VANGL1: variants seen among roughly 807,000 people sequenced by gnomAD.
The protein encoded by VANGL1 is VANGL planar cell polarity protein 1.
VANGL1 carries 18 observed loss-of-function variants against 48.4 expected under a neutral mutation model. The observed-to-expected ratio is 0.37, with a 90% confidence interval of 0.26 to 0.55. The LOEUF is 0.55. Among genes scored for constraint, VANGL1 ranks in the 20% least tolerant of loss-of-function variants. The pLI is 0.81. For missense variants in VANGL1, 667 were observed against 675.8 expected, an observed-to-expected ratio of 0.99 and a Z score of 0.14; for synonymous variants, 257 against 261.8, an observed-to-expected ratio of 0.98 and a Z score of 0.18.
Position 115,691,505 on chromosome 1 carries a change from A to C in VANGL1, c.*126A>C, listed in dbSNP as rs1653836212. Reference sequence around the variant, plus strand: ...GCTGACTGAAACTGGCAGATGATTGACCAGTATCCTTTGACCATCTGCACT... The same window carrying C: ...GCTGACTGAAACTGGCAGATGATTGCCCAGTATCCTTTGACCATCTGCACT... On this transcript the variant is annotated 3_prime_UTR_variant, in exon 8 of 8. Transcript: ENST00000355485. 2 of 1,097,256 alleles carry C rather than the reference A, an allele frequency of 1.8e-6. No homozygotes were observed. The allele number at this position is 1,097,256 out of a possible 1,614,324, so 68.0% of individuals were successfully genotyped here.
intron 4 of VANGL1, among the ~76,000 whole-genome samples, chr1:115,679,731 A>G (rs541052981): frequency 3.7e-4 from 57 of 152,350 alleles, no homozygotes; most frequent in African/African-American, 1.3e-3. Context: ...TGAGTTGAAA[A>G]TGGTTCTGAG....
Position 115,663,690 on chromosome 1 carries a change from C to T in VANGL1, c.234C>T (p.Ala78=). 2 of 1,614,186 alleles carry T rather than the reference C, an allele frequency of 1.2e-6. No individual in the cohort carries two copies. The highest frequency in any genetic ancestry group is 1.6e-4 in the Middle Eastern group (1 of 6,062). The change falls in exon 4 of 8, where the codon GCC becomes GCT. Residue 78 remains alanine, a synonymous_variant. Coordinates refer to ENST00000355485, the MANE Select transcript of VANGL1 (RefSeq NM_138959.3). ...QDDNWGETTT[A]ITGTSEHSIS... Reference sequence around the variant, plus strand: ...ACAACTGGGGAGAGACCACCACGGCCATCACAGGCACCTCGGAGCACAGCA... The same window carrying T: ...ACAACTGGGGAGAGACCACCACGGCTATCACAGGCACCTCGGAGCACAGCA...
intron 4 of VANGL1, among the ~76,000 whole-genome samples, chr1:115,674,027 T>G (rs1653078308): frequency 6.6e-6 from 1 of 152,168 alleles, no homozygotes; most frequent in African/African-American, 2.4e-5. Context: ...GGAGACACTA[T>G]TTGCCACTAC....
chr1:115,663,552 C>G, intron 3 of VANGL1, 109 bp from the exon 4 acceptor site: 1 of 1,471,520 alleles, frequency 6.8e-7, no homozygotes, highest in Non-Finnish European at 9.4e-7. Context: ...TTCTGGAAGC[C>G]TTTGTGAATA....
rs561345682 is a variant in VANGL1 at position 115,695,605 on chromosome 1, G to A, written c.*4226G>A. 2 of 152,524 alleles carry A rather than the reference G, an allele frequency of 1.3e-5. No individual in the cohort carries two copies. Among genetic ancestry groups the A allele is most frequent in the South Asian group, 2.1e-4 (1 of 4,830 alleles). The allele number at this position is 152,524 out of a possible 1,614,324, so 9.4% of individuals were successfully genotyped here. A position where few individuals can be genotyped will look rare whatever the true frequency, so the allele number is the denominator to read the frequency against. On this transcript the variant is annotated 3_prime_UTR_variant, in exon 8 of 8. Coordinates refer to ENST00000355485, the MANE Select transcript of VANGL1 (RefSeq NM_138959.3). ...TTTGGATCACATTTTGACAAAACAT[G>A]TTTTGGTCAAAGAAAGGAAAGGCTA...
chr1:115,652,178 A>G (rs1465527403), intron 2 of VANGL1, among the ~76,000 whole-genome samples: 2 of 152,182 alleles, frequency 1.3e-5, no homozygotes, highest in East Asian at 3.9e-4. Context: ...TTGTCCTGGC[A>G]CCTTATTCTT....
At chr1:115,687,379 A>G (rs12738040) in intron 7 of VANGL1, among the ~76,000 whole-genome samples, 10,677 of 138,712 alleles carry the variant, frequency 0.077, 2,319 homozygotes, top group Admixed American at 0.13. Flanking sequence ...TGAGGAAAAT[A>G]TGTCTGCAGG....
intron 4 of VANGL1, among the ~76,000 whole-genome samples, chr1:115,671,537 C>T (rs964695936): frequency 2.6e-5 from 4 of 152,292 alleles, no homozygotes; most frequent in African/African-American, 7.2e-5. Context: ...GGAGGTGTTT[C>T]GAGTCCATAT....
intron 4 of VANGL1, among the ~76,000 whole-genome samples, chr1:115,676,028 T>C (rs1653152787): frequency 6.6e-6 from 1 of 152,230 alleles, no homozygotes; most frequent in Non-Finnish European, 1.5e-5. Context: ...TTCATGCTTA[T>C]TATTAGTAAT....
In VANGL1 at chr1:115,659,716, A is replaced by T. The variant is rs1361830750; in HGVS notation, c.147A>T (p.Gln49His). Reference sequence around the variant, plus strand: ...GGTCAGAAAAGTCTGTCACCATTCAACCTCCCACTGGAGAGCCCCTGTTGG... The same window carrying T: ...GGTCAGAAAAGTCTGTCACCATTCATCCTCCCACTGGAGAGCCCCTGTTGG... Reference protein sequence around the residue: ...GRGSEKSVTIQPPTGEPLLGN... With the variant: ...GRGSEKSVTIHPPTGEPLLGN... The change falls in exon 3 of 8, where the codon CAA becomes CAT. Residue 49 changes from glutamine (Q) to histidine (H), a missense_variant. Coordinates refer to ENST00000355485, the MANE Select transcript of VANGL1 (RefSeq NM_138959.3). The T allele has an allele frequency of 1.2e-6, 2 of 1,613,964 alleles. No individual in the cohort carries two copies. Among genetic ancestry groups the T allele is most frequent in the African/African-American group, 2.7e-5 (2 of 74,864 alleles).
chr1:115,645,025 C>T (rs1303662570), intron 1 of VANGL1, among the ~76,000 whole-genome samples: 2 of 152,188 alleles, frequency 1.3e-5, no homozygotes, highest in African/African-American at 2.4e-5. Context: ...CAGTGACCTG[C>T]ATGATGTTTG....
intron 4 of VANGL1, among the ~76,000 whole-genome samples, chr1:115,680,715 G>T (rs59985662): frequency 0.065 from 9,869 of 152,188 alleles, 357 homozygotes; most frequent in East Asian, 0.13. Flanking sequence ...TTGAAGCAGA[G>T]CTCCAAGGGG....
At chr1:115,683,042 T>C (rs1460450887) in intron 5 of VANGL1, among the ~76,000 whole-genome samples, 3 of 152,144 alleles carry the variant, frequency 2.0e-5, no homozygotes, top group African/African-American at 7.2e-5. Context: ...CCTGGGTATG[T>C]TGGGTGAGGG....
At position 115,685,540 on chromosome 1, in the gene VANGL1, G is replaced by T. The variant is rs754655624; in HGVS notation, c.1314+13G>T. ...CATGACCCCCAAGGTGCGCTGCTCC[G>T]GGCGGGCTCTGCCACCGTCATCCTG... On this transcript the variant is annotated intron_variant, in intron 7 of 7. Coordinates refer to ENST00000355485, the MANE Select transcript of VANGL1 (RefSeq NM_138959.3). 1 of 1,613,036 alleles carries T rather than the reference G, an allele frequency of 6.2e-7. No homozygotes were observed.
chr1:115,666,328 C>T (rs1235085880), intron 4 of VANGL1, among the ~76,000 whole-genome samples: 7 of 152,166 alleles, frequency 4.6e-5, no homozygotes, highest in Admixed American at 3.3e-4. Context: ...CCTCCCTGTA[C>T]GACTGGTTGA....
rs770019874 is a variant in VANGL1, at chr1:115,685,495, G to C, written c.1282G>C (p.Ala428Pro). Residue 428 changes from alanine to proline, a missense_variant, in exon 7 of 8, where the codon GCC becomes CCC. Ala to Pro is a conservative substitution (Grantham distance 27, BLOSUM62 -1). Coordinates refer to ENST00000355485, the MANE Select transcript of VANGL1 (RefSeq NM_138959.3). ...HSMESILQHL[A>P]FCITNGMTPK... ...CATGGAGAGCATCCTGCAGCACCTG[G>C]CCTTCTGCATCACCAACGGCATGAC... The C allele has an allele frequency of 6.2e-7, 1 of 1,614,106 alleles. No homozygotes were observed. The highest frequency in any genetic ancestry group is 8.5e-7 in the Non-Finnish European group (1 of 1,180,030).
chr1:115,649,940 AGAG>A (rs1652082349), intron 1 of VANGL1, among the ~76,000 whole-genome samples: 1 of 152,186 alleles, frequency 6.6e-6, no homozygotes, highest in Admixed American at 6.5e-5. Flanking sequence ...TCCTGATGGC[AGAG>A]GAGAAGTGAA....
rs141350200 is a variant in VANGL1 at position 115,672,472 on chromosome 1, A to G, written c.812+8204A>G. On this transcript the variant is annotated intron_variant, in intron 4 of 7. Coordinates refer to ENST00000355485, the MANE Select transcript of VANGL1 (RefSeq NM_138959.3). ...AGCCTTCCCATGGGCCTCAGCAGCC[A>G]CACAGAGCCTCTGATCTGTTTCCCT... is the stretch of plus-strand genomic sequence containing the variant. 9.2e-5 allele frequency among the ~76,000 whole-genome samples: 14 copies of G among 152,286 alleles called. No individual in the cohort carries two copies. In the East Asian group the frequency reaches 2.5e-3, roughly 27 times the overall value.
intron 4 of VANGL1, among the ~76,000 whole-genome samples, chr1:115,674,207 T>C (rs1450672405): frequency 1.3e-5 from 2 of 152,184 alleles, no homozygotes; most frequent in East Asian, 3.9e-4. Context: ...CTTGTAAGAC[T>C]TAACAGCCCA....
Sources: gnomAD v4.1 joint callset for allele counts (sites outside exome capture counted in the v4.1 genomes callset) on GRCh38, gnomAD v4.1.1 for gene constraint, MANE v1.5 for transcripts, NCBI Gene and HGNC (gene_info 2026-07-23, HGNC 2026-07-21) for gene names.